The following LDAH variants were observed in gnomAD, a reference collection of about 807,000 sequenced individuals.
The protein encoded by LDAH is lipid droplet-associated hydrolase.
A neutral mutation model predicts 29.6 loss-of-function variants in LDAH; 26 were observed. The ratio of observed to expected loss-of-function variants is 0.88; its 90% CI spans 0.64 to 1.22. The LOEUF is 1.22. LDAH is among the 50% of genes most tolerant of loss of function. The probability of loss-of-function intolerance (pLI) is 0.00; values close to 1 mark genes in which losing one functional copy is unlikely to be tolerated. For missense variants in LDAH, 344 were observed against 387.3 expected (o/e 0.89, Z 0.94); for synonymous variants, 117 against 133.0 (o/e 0.88, Z 0.83).
At chr2:20,697,481 ATGAACTGGTGCCCC>A (rs1427448899) in intron 6 of LDAH, among the ~76,000 whole-genome samples, 1 of 152,230 alleles carries the variant, frequency 6.6e-6, no homozygotes, top group Non-Finnish European at 1.5e-5. Context: ...GCTAACTGAT[ATGAACTGGTGCCCC>A]TGAACTGGCT....
At chr2:20,767,330 T>TC (rs11448036) in intron 4 of LDAH, among the ~76,000 whole-genome samples, 7,892 of 152,214 alleles carry the variant, frequency 0.052, 645 homozygotes, top group African/African-American at 0.17. Context: ...AGAGGCCTGC[T>TC]CCACTCCATG....
At chr2:20,693,516 A>G (rs535438701) in intron 6 of LDAH, among the ~76,000 whole-genome samples, 2 of 152,308 alleles carry the variant, frequency 1.3e-5, no homozygotes, top group South Asian at 4.1e-4. Context: ...GGGGTAGAAG[A>G]TAAGTCGCCA....
At chr2:20,739,565 G>A (rs755909619) in intron 5 of LDAH, among the ~76,000 whole-genome samples, 34 of 152,080 alleles carry the variant, frequency 2.2e-4, no homozygotes, top group Non-Finnish European at 4.6e-4. Context: ...ATTTAAAGGA[G>A]GAAAATAAAA....
intron 5 of LDAH, among the ~76,000 whole-genome samples, chr2:20,737,829 A>G (rs1666895953): frequency 6.6e-6 from 1 of 152,212 alleles, no homozygotes; most frequent in Non-Finnish European, 1.5e-5. Context: ...AGGCATTCCG[A>G]GCCTCTAGAT....
At chr2:20,804,569 TTCCATCAAAACTGC>T (rs1671935329) in intron 1 of LDAH, among the ~76,000 whole-genome samples, 1 of 152,236 alleles carries the variant, frequency 6.6e-6, no homozygotes, top group South Asian at 2.1e-4. Flanking sequence ...AAATATTATG[TTCCATCAAAACTGC>T]TCTAAGTTGG....
chr2:20,791,942 T>C (rs1475576839), intron 2 of LDAH, among the ~76,000 whole-genome samples: 2 of 152,180 alleles, frequency 1.3e-5, no homozygotes, highest in African/African-American at 4.8e-5. Flanking sequence ...ATTCAGTTTA[T>C]TTTTCCTTTT....
chr2:20,779,206 A>C (rs1670015712), intron 3 of LDAH, among the ~76,000 whole-genome samples: 1 of 152,204 alleles, frequency 6.6e-6, no homozygotes, highest in Non-Finnish European at 1.5e-5. Context: ...AAAGGCTAAG[A>C]ATAATATTTC....
intron 5 of LDAH, among the ~76,000 whole-genome samples, chr2:20,727,236 A>T (rs548084837): frequency 1.3e-5 from 2 of 152,280 alleles, no homozygotes; most frequent in South Asian, 4.1e-4. Flanking sequence ...AATAAAAGCC[A>T]CAGTTGGGTT....
chr2:20,814,583 C>T (rs1672726768), intron 1 of LDAH, among the ~76,000 whole-genome samples: 1 of 152,154 alleles, frequency 6.6e-6, no homozygotes, highest in African/African-American at 2.4e-5. Context: ...GCCTCCGCCC[C>T]ACAAGTAGCT....
At chr2:20,737,538 T>C (rs1195228609) in intron 5 of LDAH, among the ~76,000 whole-genome samples, 1 of 152,200 alleles carries the variant, frequency 6.6e-6, no homozygotes, top group South Asian at 2.1e-4. Flanking sequence ...GTTGATTCCA[T>C]TGGGTCTCAA....
At chr2:20,702,797 C>A (rs1357038215) in intron 5 of LDAH, among the ~76,000 whole-genome samples, 1 of 152,212 alleles carries the variant, frequency 6.6e-6, no homozygotes, top group Non-Finnish European at 1.5e-5. Context: ...CTGCCTCCAT[C>A]CCTGTTGCTT....
At chr2:20,756,077 G>A (rs1668319727) in intron 4 of LDAH, among the ~76,000 whole-genome samples, 1 of 151,890 alleles carries the variant, frequency 6.6e-6, no homozygotes, top group Non-Finnish European at 1.5e-5. Context: ...TGTCACCCAG[G>A]CTAGAGTGTA....
At chr2:20,725,251 A>G (rs894180319) in intron 5 of LDAH, among the ~76,000 whole-genome samples, 6 of 152,182 alleles carry the variant, frequency 3.9e-5, no homozygotes, top group Non-Finnish European at 7.3e-5. Context: ...AATCATTAGT[A>G]AGCCCATTAA....
At chr2:20,740,978 G>A (rs753404027) in intron 4 of LDAH, among the ~76,000 whole-genome samples, 4 of 152,120 alleles carry the variant, frequency 2.6e-5, no homozygotes, top group Non-Finnish European at 5.9e-5. Flanking sequence ...TAACAGGTGT[G>A]GCGTTATCTC....
At chr2:20,801,210 CTCCAAGGTTT>C in intron 2 of LDAH, 90 bp downstream of exon 2, 1 of 1,283,154 alleles carries the variant, frequency 7.8e-7, no homozygotes, top group Non-Finnish European at 1.1e-6. Flanking sequence ...TTAATTCCTT[CTCCAAGGTTT>C]TCCATATTTA....
chr2:20,755,129 T>TTGTGTGTGTGTGTGTG (rs70939051), intron 4 of LDAH, among the ~76,000 whole-genome samples: 54 of 118,292 alleles, frequency 4.6e-4, no homozygotes, highest in African/African-American at 1.6e-3. Context: ...GTGTCTGTGT[T>TTGTGTGTGTGTGTGTG]TGTGTGTGTG....
At chr2:20,822,303 ATGTATTTATTTT>A (rs898168137) in intron 1 of LDAH, among the ~76,000 whole-genome samples, 2 of 151,652 alleles carry the variant, frequency 1.3e-5, no homozygotes, top group African/African-American at 2.4e-5. Context: ...TTATTTATTT[ATGTATTTATTTT>A]TGTATTTTTA....
intron 4 of LDAH, among the ~76,000 whole-genome samples, chr2:20,771,386 A>C (rs1253162060): frequency 6.6e-6 from 1 of 152,252 alleles, no homozygotes; most frequent in Non-Finnish European, 1.5e-5. Flanking sequence ...TGGAAACACA[A>C]GTTTCTTATT....
intron 5 of LDAH, among the ~76,000 whole-genome samples, chr2:20,728,623 C>T (rs1363235804): frequency 6.6e-6 from 1 of 152,110 alleles, no homozygotes; most frequent in Non-Finnish European, 1.5e-5. Flanking sequence ...GCGAAGGCAG[C>T]TTCTGTGAGG....
Sources: allele counts gnomAD v4.1 joint callset (sites outside exome capture counted in the v4.1 genomes callset), GRCh38; gene constraint gnomAD v4.1.1; transcripts MANE v1.5; gene names NCBI Gene and HGNC (gene_info 2026-07-23, HGNC 2026-07-21).